Variants in KCTD1 observed in about 807,000 individuals in gnomAD.
KCTD1 encodes the protein BTB/POZ domain-containing protein KCTD1.
KCTD1 carries 24 observed loss-of-function variants against 66.0 expected under a neutral mutation model. The observed-to-expected ratio is 0.36, with a 90% CI of 0.26 to 0.51. The LOEUF is 0.51. KCTD1 is among the 20% of genes least tolerant of loss of function. The pLI, the probability that KCTD1 is intolerant of heterozygous loss-of-function variation, is 0.95. For missense variants in KCTD1, 943 were observed against 1,205.2 expected (o/e 0.78, Z 3.22); for synonymous variants, 511 against 517.2 (o/e 0.99, Z 0.16).
At chr18:26,461,286 C>G (rs1980410698) in intron 3 of KCTD1, among the ~76,000 whole-genome samples, 1 of 152,176 alleles carries the variant, frequency 6.6e-6, no homozygotes, top group African/African-American at 2.4e-5. Context: ...AATCCACTTT[C>G]CATATAAAGA....
upstream of KCTD1, among the ~76,000 whole-genome samples, chr18:26,631,766 T>A (rs1309972207): frequency 2.0e-5 from 3 of 152,120 alleles, no homozygotes; most frequent in Non-Finnish European, 4.4e-5. Flanking sequence ...AACCATTTCA[T>A]GGCCGGGCGC....
chr18:26,611,734 A>G (rs1987143238), intron 1 of KCTD1, among the ~76,000 whole-genome samples: 1 of 152,162 alleles, frequency 6.6e-6, no homozygotes. Context: ...CTATTCTCAT[A>G]AGTCATATTT....
At position 26,547,600 on chromosome 18, in the gene KCTD1, C is replaced by A. The variant is rs1301227326; in HGVS notation, c.937G>T (p.Glu313Ter). 6.4e-7 allele frequency: 1 copy of A among 1,551,224 alleles called. No individual in the cohort carries two copies. Among genetic ancestry groups the A allele is most frequent in the Non-Finnish European group, 8.7e-7 (1 of 1,146,734 alleles). ...PFGLLNKVWFETCMYFCTRGR... is the reference protein window; with the variant it reads ...PFGLLNKVWF The stretch of plus-strand genomic sequence containing the variant: ...CGGGTACAGAAGTACATGCACGTCT[C>A]GAACCAGACCTTGTTGAGCAGCCCG... Residue 313 changes from glutamate (E) to a stop codon, truncating the protein, a stop_gained, in exon 1 of 5, where the codon GAG becomes TAG. Transcript: ENST00000580059. LOFTEE classifies it high-confidence loss of function.
At position 26,546,970 on chromosome 18, in the gene KCTD1, C is replaced by G. The variant is rs989462742; in HGVS notation, c.1567G>C (p.Gly523Arg). The stretch of plus-strand genomic sequence containing the variant: ...GCAGCCTCGGATTTCACGTCGGGCC[C>G]GACCTGGCTGTCTTTGGGGAGGATG... ...TYILPKDSQV[G>R]PDVKSEAAPK... The change falls in exon 1 of 5, where the codon GGG (glycine) becomes CGG (arginine). Residue 523 changes from glycine (G) to arginine (R), a missense_variant. This residue lies in a region of KCTD1 where 197 missense variants were observed against 182.7 expected (regional missense o/e 1.08). Transcript: ENST00000580059. The G allele has an allele frequency of 6.8e-7, 1 of 1,477,794 alleles. No homozygotes were observed. Among genetic ancestry groups the G allele is most frequent in the South Asian group, 1.4e-5 (1 of 72,544 alleles). The allele number at this position is 1,477,794 out of a possible 1,614,324, so 91.5% of individuals were successfully genotyped here.
chr18:26,570,706 G>A (rs187166784), intron 1 of KCTD1, among the ~76,000 whole-genome samples: 22 of 152,014 alleles, frequency 1.4e-4, no homozygotes, highest in South Asian at 2.1e-4. Context: ...CCACCACACC[G>A]GGCCTCTATT....
At chr18:26,606,043 C>T (rs1204180154) in intron 1 of KCTD1, among the ~76,000 whole-genome samples, 1 of 151,042 alleles carries the variant, frequency 6.6e-6, no homozygotes, top group Non-Finnish European at 1.5e-5. Context: ...TGGGACAGCT[C>T]AAAGCAGGAG....
rs141852260 is a variant in KCTD1, at chr18:26,532,311, C to A, written c.1809+14417G>T. 7.5e-3 allele frequency among the ~76,000 whole-genome samples: 1,065 copies of A among 141,542 alleles called. 7 individuals carry two copies. Among genetic ancestry groups the A allele is most frequent in the Non-Finnish European group, 0.011 (722 of 67,002 alleles). 92.9% of individuals were successfully genotyped at this position (141,542 alleles called of 152,430 possible). A position where few individuals can be genotyped will look rare whatever the true frequency, so the allele number is the denominator to read the frequency against. On this transcript the variant is annotated intron_variant, in intron 1 of 4. Coordinates refer to ENST00000580059, the MANE Select transcript of KCTD1 (RefSeq NM_001142730.3). ...TTGAGACAGGGCCTTGCTCTGTTGCCCAGGCTGGAATGCAGTGGCACAATC... is the reference window on the plus strand; with the variant it reads ...TTGAGACAGGGCCTTGCTCTGTTGCACAGGCTGGAATGCAGTGGCACAATC...
At chr18:26,637,107 C>T (rs528703524) in intron 1 of KCTD1, among the ~76,000 whole-genome samples, 5 of 152,300 alleles carry the variant, frequency 3.3e-5, no homozygotes, top group East Asian at 1.9e-4. Flanking sequence ...CTACTGCTGA[C>T]GCTTCCAACA....
intron 2 of KCTD1, among the ~76,000 whole-genome samples, chr18:26,494,807 T>C (rs905068902): frequency 6.6e-6 from 1 of 151,726 alleles, no homozygotes; most frequent in African/African-American, 2.4e-5. Flanking sequence ...TAAACTAACT[T>C]TTTTTTTTCA....
chr18:26,586,342 T>C (rs1404351187), intron 1 of KCTD1, among the ~76,000 whole-genome samples: 3 of 152,182 alleles, frequency 2.0e-5, no homozygotes, highest in Admixed American at 6.5e-5. Flanking sequence ...ACTGCACCCA[T>C]ATAAGACAGT....
At chr18:26,649,888 G>A (rs182214394) in intron 1 of KCTD1, among the ~76,000 whole-genome samples, 5 of 152,314 alleles carry the variant, frequency 3.3e-5, no homozygotes, top group Admixed American at 3.3e-4. Flanking sequence ...TTGCCAATGT[G>A]TGTCACTGCC....
At chr18:26,629,391 G>A (rs894798816), upstream of KCTD1, 1 of 165,068 alleles carries the variant, frequency 6.1e-6, no homozygotes, top group African/African-American at 2.4e-5. Flanking sequence ...AGTAAGTAAG[G>A]TGCAAGGTGC....
At chr18:26,552,325 T>C (rs1985593875), upstream of KCTD1, among the ~76,000 whole-genome samples, 1 of 152,254 alleles carries the variant, frequency 6.6e-6, no homozygotes. Context: ...TCTGTTAATA[T>C]ACTGGATATA....
In KCTD1 at chr18:26,494,549, G is replaced by T. The variant is rs530409880; in HGVS notation, c.1988+6523C>A. Among the ~76,000 whole-genome samples, 7 of 152,256 alleles carry T rather than the reference G, an allele frequency of 4.6e-5. No individual in the cohort carries two copies. In the South Asian group the frequency reaches 1.2e-3, roughly 27 times the overall value. ...TTTGCTGAATCCAGCAGTTGTGCAA[G>T]GTAAGTTACTGAAGGACTGGCTTTT... is the stretch of plus-strand genomic sequence containing the variant. On this transcript the variant is annotated intron_variant, in intron 2 of 4. Coordinates refer to ENST00000580059, the MANE Select transcript of KCTD1 (RefSeq NM_001142730.3).
intron 1 of KCTD1, among the ~76,000 whole-genome samples, chr18:26,506,759 C>A (rs1334429084): frequency 6.6e-6 from 1 of 152,232 alleles, no homozygotes; most frequent in African/African-American, 2.4e-5. Flanking sequence ...GAACTTTCTG[C>A]AGTACAGGAG....
At chr18:26,527,303 T>G (rs74805584) in intron 1 of KCTD1, among the ~76,000 whole-genome samples, 2,171 of 152,170 alleles carry the variant, frequency 0.014, 59 homozygotes, top group African/African-American at 0.049. Context: ...AAAGCTAGCA[T>G]TTGATGCAGA....
chr18:26,567,479 G>C, intron 1 of KCTD1, among the ~76,000 whole-genome samples: 1 of 59,456 alleles, frequency 1.7e-5, no homozygotes, highest in Non-Finnish European at 4.5e-5. Flanking sequence ...CTGTTGTTCT[G>C]TTGTTGTTGT....
chr18:26,648,360 G>A (rs1181145715), intron 1 of KCTD1, among the ~76,000 whole-genome samples: 1 of 152,158 alleles, frequency 6.6e-6, no homozygotes, highest in African/African-American at 2.4e-5. Flanking sequence ...ACCTTGTCAT[G>A]TACAATGGGA....
chr18:26,487,905 T>C (rs940356132), intron 2 of KCTD1, among the ~76,000 whole-genome samples: 16 of 152,204 alleles, frequency 1.1e-4, no homozygotes, highest in African/African-American at 3.9e-4. Context: ...GATTCCTCAT[T>C]TTTTTCCTCT....
Sources: gnomAD v4.1 joint callset for allele counts (sites outside exome capture counted in the v4.1 genomes callset) on GRCh38, gnomAD v4.1.1 for gene constraint, gnomAD v4.1.1 regional missense constraint, MANE v1.5 for transcripts, NCBI Gene and HGNC (gene_info 2026-07-23, HGNC 2026-07-21) for gene names.